The following ATG7 variants were observed in gnomAD, a reference collection of about 807,000 sequenced individuals.
The protein encoded by ATG7 is autophagy related 7.
Under a neutral mutation model 82.4 loss-of-function variants are expected in ATG7, and 70 were observed. The ratio of observed to expected loss-of-function variants is 0.85; its 90% CI spans 0.70 to 1.04. ATG7 has a LOEUF of 1.04. Among genes scored for constraint, ATG7 ranks in the 50% least tolerant of loss-of-function variants. The pLI is 0.00. For synonymous variants in ATG7, 287 were observed against 313.0 expected, an observed-to-expected ratio of 0.92 and a Z score of 0.88; for missense variants, 792 against 864.3, an observed-to-expected ratio of 0.92 and a Z score of 1.05.
At chr3:11,418,972 C>A (rs577382008) in intron 19 of ATG7, among the ~76,000 whole-genome samples, 22 of 152,164 alleles carry the variant, frequency 1.4e-4, no homozygotes, top group East Asian at 9.7e-4. Context: ...GCCCCTCCCC[C>A]CCGATCCAGT....
At chr3:11,317,626 T>C (rs1156451953) in intron 9 of ATG7, among the ~76,000 whole-genome samples, 1 of 145,290 alleles carries the variant, frequency 6.9e-6, no homozygotes, top group Non-Finnish European at 1.5e-5. Flanking sequence ...AGAGTCTTGC[T>C]CTGTCGCCCA....
At chr3:11,491,935 C>G (rs1237284759) in intron 20 of ATG7, among the ~76,000 whole-genome samples, 1 of 152,208 alleles carries the variant, frequency 6.6e-6, no homozygotes, top group East Asian at 1.9e-4. Context: ...GCCCTGCCCC[C>G]AGAGGTGGAG....
At chr3:11,459,185 A>AAC (rs1559668599) in intron 20 of ATG7, among the ~76,000 whole-genome samples, 2 of 151,496 alleles carry the variant, frequency 1.3e-5, no homozygotes, top group East Asian at 1.9e-4. Flanking sequence ...AAAAAAAAAA[A>AAC]AAAACAGCAA....
intron 3 of ATG7, among the ~76,000 whole-genome samples, chr3:11,295,524 C>T (rs1945730601): frequency 6.6e-6 from 1 of 152,172 alleles, no homozygotes; most frequent in Admixed American, 6.5e-5. Flanking sequence ...TCTGGTGATT[C>T]TGCCTTTTAT....
intron 9 of ATG7, among the ~76,000 whole-genome samples, chr3:11,328,546 T>A (rs1379084507): frequency 1.3e-5 from 2 of 152,220 alleles, no homozygotes; most frequent in African/African-American, 4.8e-5. Context: ...AAGAAAATTT[T>A]ATATAACGGA....
chr3:11,333,481 T>C (rs2606747), intron 11 of ATG7, among the ~76,000 whole-genome samples: 131,626 of 152,174 alleles, frequency 0.86, 57,177 homozygotes, highest in East Asian at 1. Flanking sequence ...ATCCTGTTCT[T>C]CATATAGTAA....
chr3:11,321,970 C>G (rs1263205430), intron 9 of ATG7, among the ~76,000 whole-genome samples: 1 of 152,120 alleles, frequency 6.6e-6, no homozygotes, highest in Non-Finnish European at 1.5e-5. Flanking sequence ...TAAGAGAAGC[C>G]CCTCCTGAGA....
chr3:11,391,982 A>G lies in ATG7; in HGVS notation c.1956+11930A>G, dbSNP rs539984746. 7.9e-4 allele frequency among the ~76,000 whole-genome samples: 119 copies of G among 151,448 alleles called. 1 individual carries two copies. The highest frequency in any genetic ancestry group is 1.9e-3 in the South Asian group (9 of 4,778). On this transcript the variant is annotated intron_variant, in intron 19 of 20. Coordinates refer to ENST00000693202, the MANE Select transcript of ATG7 (RefSeq NM_001349232.2). Reference sequence around the variant, plus strand: ...TTGGGGGGGGGGTAATTTCACTTTAAATTTTTAGCAGCTTCGAGGACTTAA... The same window carrying G: ...TTGGGGGGGGGGTAATTTCACTTTAGATTTTTAGCAGCTTCGAGGACTTAA...
At chr3:11,489,332 T>G (rs962095077) in intron 20 of ATG7, among the ~76,000 whole-genome samples, 5 of 152,190 alleles carry the variant, frequency 3.3e-5, no homozygotes, top group Non-Finnish European at 5.9e-5. Context: ...GATATCCCCT[T>G]TATCATTTTT....
chr3:11,519,498 A>G (rs986120999), intron 20 of ATG7, among the ~76,000 whole-genome samples: 13 of 128,224 alleles, frequency 1.0e-4, no homozygotes, highest in African/African-American at 3.5e-4. Flanking sequence ...TGCTTTCATC[A>G]TATTATTTGC....
At chr3:11,451,785 C>CAAAAA (rs376573903) in intron 20 of ATG7, among the ~76,000 whole-genome samples, 4 of 129,584 alleles carry the variant, frequency 3.1e-5, no homozygotes, top group African/African-American at 1.2e-4. Context: ...TTTATAGTCT[C>CAAAAA]AAAAAAAAAA....
At chr3:11,310,680 TG>T (rs1948514806) in intron 7 of ATG7, among the ~76,000 whole-genome samples, 1 of 151,836 alleles carries the variant, frequency 6.6e-6, no homozygotes, top group Admixed American at 6.6e-5. Context: ...TCACCCAGGC[TG>T]GAGTGCAATG....
intron 20 of ATG7, among the ~76,000 whole-genome samples, chr3:11,444,262 G>C (rs920137112): frequency 6.6e-6 from 1 of 152,086 alleles, no homozygotes; most frequent in Non-Finnish European, 1.5e-5. Flanking sequence ...GAGCATTCTG[G>C]TATATATCTC....
At chr3:11,450,534 C>T (rs754637188) in intron 20 of ATG7, among the ~76,000 whole-genome samples, 5 of 152,188 alleles carry the variant, frequency 3.3e-5, no homozygotes, top group Non-Finnish European at 7.3e-5. Context: ...TGAAGCAGTT[C>T]AGTGAGTTTT....
intron 20 of ATG7, 50 bp from the exon 21 acceptor site, chr3:11,554,761 C>G (rs770838027): frequency 1.9e-6 from 3 of 1,607,378 alleles, no homozygotes; most frequent in Non-Finnish European, 1.7e-6. Flanking sequence ...TGTGTGCCCC[C>G]CACCGGGCAG....
chr3:11,468,808 C>T (rs2153010359), intron 20 of ATG7, among the ~76,000 whole-genome samples: 1 of 152,320 alleles, frequency 6.6e-6, no homozygotes. Flanking sequence ...GGCTCGGTTT[C>T]ATCAGACTCT....
downstream of ATG7, among the ~76,000 whole-genome samples, chr3:11,560,074 T>C (rs2125103825): frequency 6.6e-6 from 1 of 152,062 alleles, no homozygotes; most frequent in South Asian, 2.1e-4. Flanking sequence ...CCCCACGCTG[T>C]CTGCCTGGCA....
chr3:11,553,287 AGGTCACCTCACAGGTAGATGTG>A (rs1346821268), intron 20 of ATG7, among the ~76,000 whole-genome samples: 11 of 10,846 alleles, frequency 1.0e-3, no homozygotes, highest in African/African-American at 3.1e-3. Flanking sequence ...GGTAGATGTG[AGGTCACCTCACAGGTAGATGTG>A]AGGAGTGAAA....
At chr3:11,296,110 C>T (rs1025084476) in intron 3 of ATG7, among the ~76,000 whole-genome samples, 5 of 152,176 alleles carry the variant, frequency 3.3e-5, no homozygotes, top group Admixed American at 2.6e-4. Context: ...TCCCTAACTG[C>T]GGACATTCTC....
Sources: allele counts gnomAD v4.1 joint callset (sites outside exome capture counted in the v4.1 genomes callset), GRCh38; gene constraint gnomAD v4.1.1; transcripts MANE v1.5; gene names NCBI Gene and HGNC (gene_info 2026-07-23, HGNC 2026-07-21).